TRPM4: variants seen among roughly 807,000 people sequenced by gnomAD.
The protein encoded by TRPM4 is calcium-activated non-selective cation channel 1.
Under a neutral mutation model 135.6 loss-of-function variants are expected in TRPM4, and 124 were observed. That is an observed-to-expected ratio of 0.91 (90% confidence interval 0.79 to 1.06). The LOEUF (loss-of-function observed/expected upper bound fraction) is 1.06, where lower values mean the gene tolerates loss of function less well. Ranked by LOEUF, TRPM4 falls within the 50% of genes least tolerant of loss-of-function variation. The probability of loss-of-function intolerance (pLI) is 0.00; values close to 1 mark genes in which losing one functional copy is unlikely to be tolerated. For missense variants in TRPM4, 1,658 were observed against 1,671.4 expected, an observed-to-expected ratio of 0.99 and a Z score of 0.14; for synonymous variants, 745 against 705.6, an observed-to-expected ratio of 1.06 and a Z score of -0.88.
intron 17 of TRPM4, among the ~76,000 whole-genome samples, chr19:49,197,312 CTTTCTT>C (rs1162383169): frequency 2.8e-3 from 133 of 48,266 alleles, no homozygotes; most frequent in Middle Eastern, 0.025. Flanking sequence ...CTTTCTTTTT[CTTTCTT>C]TCTTTCTTTC....
chr19:49,182,710 G>A lies in TRPM4; in HGVS notation c.1396G>A (p.Ala466Thr). Reference sequence around the variant, plus strand: ...GATGCGCCTGGCCCAACTCTACAGCGCGGCGCCCTCCAACTCGCTCATCCG... The same window carrying A: ...GATGCGCCTGGCCCAACTCTACAGCACGGCGCCCTCCAACTCGCTCATCCG... ...TPMRLAQLYSAAPSNSLIRNL... is the reference protein window; with the variant it reads ...TPMRLAQLYSTAPSNSLIRNL... The change falls in exon 11 of 25, where the codon GCG (alanine) becomes ACG (threonine). Residue 466 changes from alanine (A) to threonine (T), a missense_variant. Physicochemically the swap from Ala to Thr is moderately conservative, Grantham distance 58. Around this residue, in one of 3 missense-constraint regions of TRPM4, gnomAD observed 1,412 missense variants for 1,408.7 expected, o/e 1.00. Coordinates refer to ENST00000252826, the MANE Select transcript of TRPM4 (RefSeq NM_017636.4). 1 of 1,614,066 alleles carries A rather than the reference G, an allele frequency of 6.2e-7. No homozygotes were observed. The highest frequency in any genetic ancestry group is 8.5e-7 in the Non-Finnish European group (1 of 1,179,974).
chr19:49,208,243 CGGTT>C (rs1469597769), intron 20 of TRPM4, among the ~76,000 whole-genome samples: 5 of 152,142 alleles, frequency 3.3e-5, no homozygotes, highest in African/African-American at 1.2e-4. Context: ...CACAGGGAGA[CGGTT>C]AGGCCCCTGG....
chr19:49,171,734 T>C lies in TRPM4; in HGVS notation c.1015T>C (p.Phe339Leu). The stretch of plus-strand genomic sequence containing the variant: ...AGCCCGAGATCGAATCAGGCGTTTC[T>C]TTCCCAAAGGGGACCTTGAGGTCCT... ...GEARDRIRRF[F>L]PKGDLEVLQA... is the part of the protein sequence containing the mutation. The change falls in exon 8 of 25, where the codon TTT (phenylalanine) becomes CTT (leucine). Residue 339 changes from phenylalanine (F) to leucine (L), a missense_variant. By Grantham distance (22) the Phe-to-Leu change is conservative. Transcript: ENST00000252826. The surrounding 1 kb of genome is among the most constrained non-coding windows in gnomAD (Gnocchi z 4.7). 7 of 1,612,600 alleles carry C rather than the reference T, an allele frequency of 4.3e-6. No homozygotes were observed. The highest frequency in any genetic ancestry group is 5.9e-6 in the Non-Finnish European group (7 of 1,179,940).
At chr19:49,199,261 T>C (rs568216743) in intron 17 of TRPM4, among the ~76,000 whole-genome samples, 8 of 150,956 alleles carry the variant, frequency 5.3e-5, no homozygotes, top group African/African-American at 2.0e-4. Flanking sequence ...TGGTTTTTGT[T>C]TTTGTTTTTG....
At chr19:49,190,845 TTG>T in intron 16 of TRPM4, 72 bp downstream of exon 16, 5 of 1,361,796 alleles carry the variant, frequency 3.7e-6, no homozygotes, top group Non-Finnish European at 5.2e-6. Context: ...CAGTTCCACG[TTG>T]TGTTAGTCCC....
intron 9 of TRPM4, among the ~76,000 whole-genome samples, chr19:49,175,474 G>T (rs978479467): frequency 4.6e-5 from 7 of 151,962 alleles, no homozygotes; most frequent in Non-Finnish European, 8.8e-5. Context: ...CTCCCAACGT[G>T]CTGGGATTAC....
At chr19:49,184,250 A>C (rs1455160381) in intron 12 of TRPM4, among the ~76,000 whole-genome samples, 1 of 151,940 alleles carries the variant, frequency 6.6e-6, no homozygotes, top group Non-Finnish European at 1.5e-5. Flanking sequence ...CAAGTCCCTT[A>C]GGCTCTGCTT....
chr19:49,200,693 C>T lies in TRPM4; in HGVS notation c.2861C>T (p.Pro954Leu), dbSNP rs751311653. The change falls in exon 19 of 25, where the codon CCA becomes CTA. Residue 954 changes from proline to leucine, a missense_variant. Around this residue, in one of 3 missense-constraint regions of TRPM4, gnomAD observed 1,412 missense variants for 1,408.7 expected, o/e 1.00. Coordinates refer to ENST00000252826, the MANE Select transcript of TRPM4 (RefSeq NM_017636.4). ...YGVATEGLLRPRDSDFPSILR... is the reference protein window; with the variant it reads ...YGVATEGLLRLRDSDFPSILR... ...GTGGCCACGGAGGGGCTCCTGAGGC[C>T]ACGGGACAGTGACTTCCCAAGTATC... 7 of 1,614,066 alleles carry T rather than the reference C, an allele frequency of 4.3e-6. No individual in the cohort carries two copies. The South Asian group carries it at 7.7e-5, about 18-fold the overall frequency.
intron 12 of TRPM4, among the ~76,000 whole-genome samples, chr19:49,185,564 G>T (rs1338665568): frequency 6.6e-6 from 1 of 151,450 alleles, no homozygotes; most frequent in African/African-American, 2.4e-5. Flanking sequence ...TTTTTTTCCA[G>T]TATATGAACC....
At chr19:49,180,061 C>G (rs1300209046) in intron 9 of TRPM4, among the ~76,000 whole-genome samples, 2 of 152,158 alleles carry the variant, frequency 1.3e-5, no homozygotes, top group Non-Finnish European at 2.9e-5. Flanking sequence ...TGCCCCAGAG[C>G]CTATTGCTCA....
chr19:49,179,824 CCT>C (rs1276775324), intron 9 of TRPM4, among the ~76,000 whole-genome samples: 1 of 152,166 alleles, frequency 6.6e-6, no homozygotes, highest in East Asian at 1.9e-4. Context: ...CCTTTCTGGG[CCT>C]CTGTTTCCTC....
chr19:49,200,578 G>A, intron 18 of TRPM4, 33 bp from the exon 19 acceptor site: 1 of 1,608,592 alleles, frequency 6.2e-7, no homozygotes, highest in South Asian at 1.1e-5. Context: ...AGTAGGAAAG[G>A]GCGGGGCCAG....
intron 13 of TRPM4, 79 bp downstream of exon 13, chr19:49,188,849 AT>A: frequency 6.2e-7 from 1 of 1,612,800 alleles, no homozygotes; most frequent in Admixed American, 1.7e-5. Context: ...CTCCTCACAT[AT>A]CCCTGCGCCA....
chr19:49,176,277 G>T (rs1967691411), intron 9 of TRPM4, among the ~76,000 whole-genome samples: 1 of 152,102 alleles, frequency 6.6e-6, no homozygotes, highest in Admixed American at 6.6e-5. Flanking sequence ...GTCCAGGCTG[G>T]AGTGCAGTGG....
At position 49,167,967 on chromosome 19, in the gene TRPM4, C is replaced by A. The variant is rs769684226; in HGVS notation, c.318C>A (p.Val106=). Residue 106 remains valine, a synonymous_variant, in exon 4 of 25, where the codon GTC becomes GTA. Coordinates refer to ENST00000252826, the MANE Select transcript of TRPM4 (RefSeq NM_017636.4). ...RTDPAAVYSL[V]TRTWGFRAPN... is the part of the protein sequence containing the mutation. Reference sequence around the variant, plus strand: ...ATCCAGCTGCAGTTTATAGTCTGGTCACACGCACATGGGGCTTCCGTGCCC... The same window carrying A: ...ATCCAGCTGCAGTTTATAGTCTGGTAACACGCACATGGGGCTTCCGTGCCC... The A allele has an allele frequency of 2.5e-6, 4 of 1,613,988 alleles. No individual in the cohort carries two copies. In the African/African-American group the frequency reaches 5.3e-5, roughly 22 times the overall value.
chr19:49,169,009 C>CAAT lies in TRPM4; in HGVS notation c.796+297_796+299dup, dbSNP rs577879197. ...TAACAGAGCAAGACCTTGTCTCTAC[C>CAAT]AATAATAATAATAATAATAATAATA... is the stretch of plus-strand genomic sequence containing the variant. On this transcript the variant is annotated intron_variant, in intron 6 of 24. Transcript: ENST00000252826. Among the ~76,000 whole-genome samples the CAAT allele has an allele frequency of 0.024, 3,542 of 149,080 alleles. 64 individuals carry two copies. Among genetic ancestry groups the CAAT allele is most frequent in the Middle Eastern group, 0.031 (9 of 288 alleles).
chr19:49,168,870 A>G (rs778600997), intron 6 of TRPM4, 134 bp downstream of exon 6: 2 of 1,051,364 alleles, frequency 1.9e-6, no homozygotes, highest in Non-Finnish European at 2.8e-6. Flanking sequence ...GTCATTATTC[A>G]TGGTTTTAAA....
Position 49,211,173 on chromosome 19 carries a change from T to G in TRPM4, c.3544T>G (p.Cys1182Gly), listed in dbSNP as rs1248787431. The change falls in exon 24 of 25, where the codon TGT (cysteine) becomes GGT (glycine). Residue 1182 changes from cysteine (C) to glycine (G), a missense_variant. Physicochemically the swap from Cys to Gly is radical, Grantham distance 159. Around this residue, in one of 3 missense-constraint regions of TRPM4, gnomAD observed 1,412 missense variants for 1,408.7 expected, o/e 1.00. Coordinates refer to ENST00000252826, the MANE Select transcript of TRPM4 (RefSeq NM_017636.4). This position sits in a 1 kb window ranked among gnomAD's most constrained non-coding sequence, Gnocchi z 4.8. ...LKVLEREVQQ[C>G]SRVLGWVAEA... Reference sequence around the variant, plus strand: ...TCCTCCCATTCCGCAGGTCCAGCAGTGTAGCCGCGTCCTGGGGTGGGTGGC... The same window carrying G: ...TCCTCCCATTCCGCAGGTCCAGCAGGGTAGCCGCGTCCTGGGGTGGGTGGC... The G allele has an allele frequency of 6.2e-7, 1 of 1,605,536 alleles. No individual in the cohort carries two copies. Among genetic ancestry groups the G allele is most frequent in the Non-Finnish European group, 8.5e-7 (1 of 1,176,708 alleles).
rs1038017691 is a variant in TRPM4 at position 49,190,706 on chromosome 19, GA to G, written c.2144del (p.Glu715GlyfsTer8). The G allele has an allele frequency of 6.2e-7, 1 of 1,614,156 alleles. No individual in the cohort carries two copies. Among genetic ancestry groups the G allele is most frequent in the Non-Finnish European group, 8.5e-7 (1 of 1,180,032 alleles). On this transcript the variant is annotated frameshift_variant, in exon 16 of 25. Coordinates refer to ENST00000252826, the MANE Select transcript of TRPM4 (RefSeq NM_017636.4). LOFTEE classifies it high-confidence loss of function. ...TRLITFRKSE[E>X]EPTREELEFD... Reference sequence around the variant, plus strand: ...TTCCCCCCTTGCTAGGAAATCAGAAGAGGAGCCCACACGGGAGGAGCTAGAG... The same window carrying G: ...TTCCCCCCTTGCTAGGAAATCAGAAGGGAGCCCACACGGGAGGAGCTAGAG...
Sources: allele counts gnomAD v4.1 joint callset (sites outside exome capture counted in the v4.1 genomes callset), GRCh38; gene constraint gnomAD v4.1.1; regional missense constraint gnomAD v4.1.1; non-coding constraint Gnocchi (gnomAD v3.1); transcripts MANE v1.5; gene names NCBI Gene and HGNC (gene_info 2026-07-23, HGNC 2026-07-21).